PDE5A: variants seen among roughly 807,000 people sequenced by gnomAD.
The protein encoded by PDE5A is phosphodiesterase 5A, also known as cGMP-specific 3',5'-cyclic phosphodiesterase.
Under a neutral mutation model 110.2 loss-of-function variants are expected in PDE5A, and 67 were observed. The observed-to-expected ratio is 0.61, with a 90% CI of 0.50 to 0.75. The LOEUF (loss-of-function observed/expected upper bound fraction) is 0.75. Among genes scored for constraint, PDE5A ranks in the 30% least tolerant of loss-of-function variants. PDE5A has a pLI of 0.00. For synonymous variants in PDE5A, 328 were observed against 351.2 expected, an observed-to-expected ratio of 0.93 and a Z score of 0.74; for missense variants, 862 against 1,045.1, an observed-to-expected ratio of 0.82 and a Z score of 2.42.
chr4:119,550,861 T>G (rs915141880), intron 9 of PDE5A, among the ~76,000 whole-genome samples: 3 of 152,180 alleles, frequency 2.0e-5, no homozygotes, highest in African/African-American at 4.8e-5. Flanking sequence ...GAAATAAAAT[T>G]TTATAACATT....
rs1298640816 is a variant in PDE5A, at chr4:119,552,624, C to T, written c.1322G>A (p.Gly441Glu). 1.3e-6 allele frequency: 2 copies of T among 1,531,836 alleles called. No individual in the cohort carries two copies. Among genetic ancestry groups the T allele is most frequent in the African/African-American group, 2.8e-5 (2 of 71,434 alleles). The allele number at this position is 1,531,836 out of a possible 1,614,324, so 94.9% of individuals were successfully genotyped here. The change falls in exon 9 of 21, where the codon GGA (glycine) becomes GAA (glutamate). Residue 441 changes from glycine to glutamate, a missense_variant. By Grantham distance (98) the Gly-to-Glu change is moderately conservative. Coordinates refer to ENST00000354960, the MANE Select transcript of PDE5A (RefSeq NM_001083.4). The stretch of plus-strand genomic sequence containing the variant: ...TCTAATGCACTGCTGGTTTACATTT[C>T]CTGTATTTTCAGTCTAAACAAAAAT... ...KRFPWTTENT[G>E]NVNQQCIRSL...
intron 20 of PDE5A, chr4:119,499,446 A>G (rs910582332): frequency 1.3e-5 from 2 of 152,230 alleles, no homozygotes; most frequent in African/African-American, 4.8e-5. Flanking sequence ...AATGTCATAA[A>G]GCATATACAT....
chr4:119,614,472 G>C (rs1729866027), intron 1 of PDE5A, among the ~76,000 whole-genome samples: 1 of 152,108 alleles, frequency 6.6e-6, no homozygotes, highest in Admixed American at 6.6e-5. Flanking sequence ...TTGGCGGATA[G>C]GCAACAAAGA....
chr4:119,556,731 GA>G (rs932835525), intron 7 of PDE5A, among the ~76,000 whole-genome samples: 14 of 152,134 alleles, frequency 9.2e-5, no homozygotes, highest in Non-Finnish European at 1.8e-4. Flanking sequence ...ATTTTTAAAG[GA>G]GAGACATCAG....
intron 14 of PDE5A, among the ~76,000 whole-genome samples, chr4:119,511,701 C>T (rs1725749486): frequency 1.3e-5 from 2 of 152,040 alleles, no homozygotes; most frequent in African/African-American, 4.8e-5. Context: ...AAGGAGACGG[C>T]TGAGTTGGAA....
At chr4:119,572,785 A>C (rs1235816470) in intron 3 of PDE5A, among the ~76,000 whole-genome samples, 1 of 152,194 alleles carries the variant, frequency 6.6e-6, no homozygotes, top group Admixed American at 6.5e-5. Context: ...GTCCAGGCAC[A>C]AAAGACGCAT....
intron 3 of PDE5A, among the ~76,000 whole-genome samples, chr4:119,580,300 C>T (rs182726769): frequency 3.0e-4 from 45 of 152,266 alleles, no homozygotes; most frequent in African/African-American, 9.9e-4. Flanking sequence ...TTTTTGCCTG[C>T]TTATTAGATC....
At chr4:119,583,139 A>C (rs1211669588) in intron 3 of PDE5A, among the ~76,000 whole-genome samples, 1 of 152,192 alleles carries the variant, frequency 6.6e-6, no homozygotes, top group African/African-American at 2.4e-5. Context: ...CTACATTGAC[A>C]ATCTGTTGTT....
At chr4:119,586,142 T>G (rs1253700034) in intron 3 of PDE5A, among the ~76,000 whole-genome samples, 1 of 152,248 alleles carries the variant, frequency 6.6e-6, no homozygotes, top group Non-Finnish European at 1.5e-5. Context: ...AGATAACCAA[T>G]ACGGCATAGT....
rs1190616433 is a variant in PDE5A, at chr4:119,567,271, G to A, written c.832-127C>T. On this transcript the variant is annotated intron_variant, in intron 3 of 20. Transcript: ENST00000354960. ...AATAACACTAGTCTACAAAACAAAA[G>A]CAAAACCCCTCATCAGCATTTGAGC... The A allele has an allele frequency of 4.7e-6, 3 of 636,982 alleles. No individual in the cohort carries two copies. The African/African-American group carries it at 5.5e-5, about 12-fold the overall frequency. The allele number at this position is 636,982 out of a possible 1,614,324, so 39.5% of individuals were successfully genotyped here. A position where few individuals can be genotyped will look rare whatever the true frequency, so the allele number is the denominator to read the frequency against.
chr4:119,569,501 A>G (rs1728067281), intron 3 of PDE5A, among the ~76,000 whole-genome samples: 2 of 147,944 alleles, frequency 1.4e-5, no homozygotes, highest in Admixed American at 1.3e-4. Flanking sequence ...ATAAATAAAG[A>G]AATATTAAAA....
At chr4:119,617,668 G>A (rs6534146) in intron 1 of PDE5A, among the ~76,000 whole-genome samples, 120,767 of 152,110 alleles carry the variant, frequency 0.79, 48,272 homozygotes, top group East Asian at 0.9. Context: ...CGAGTTAAAA[G>A]TATAACTAGG....
intron 1 of PDE5A, among the ~76,000 whole-genome samples, chr4:119,612,830 G>A (rs1200941533): frequency 2.1e-5 from 3 of 144,852 alleles, no homozygotes; most frequent in Non-Finnish European, 3.1e-5. Context: ...ATTTGTTATA[G>A]CAGCCAGCAT....
intron 14 of PDE5A, chr4:119,512,425 T>C (rs1167203817): frequency 6.6e-6 from 1 of 152,164 alleles, no homozygotes; most frequent in Non-Finnish European, 1.5e-5. Context: ...AACAGGACTA[T>C]ATTTCTGAAA....
chr4:119,614,818 T>A (rs969078717), intron 1 of PDE5A, among the ~76,000 whole-genome samples: 1 of 152,098 alleles, frequency 6.6e-6, no homozygotes, highest in Non-Finnish European at 1.5e-5. Flanking sequence ...GAGTCCTGGG[T>A]TCTAATCTCA....
intron 12 of PDE5A, among the ~76,000 whole-genome samples, chr4:119,521,437 G>A (rs1466165778): frequency 1.3e-5 from 2 of 151,036 alleles, no homozygotes; most frequent in African/African-American, 2.4e-5. Context: ...CCAACTAGGA[G>A]AGTCCAAAGG....
At chr4:119,618,864 T>C (rs1046877020) in intron 1 of PDE5A, among the ~76,000 whole-genome samples, 10 of 152,186 alleles carry the variant, frequency 6.6e-5, no homozygotes, top group Admixed American at 6.5e-4. Context: ...CCATGGGTAC[T>C]TACTTGGGTA....
chr4:119,511,263 C>T, intron 14 of PDE5A, 129 bp from the exon 15 acceptor site: 1 of 604,972 alleles, frequency 1.7e-6, no homozygotes, highest in Non-Finnish European at 3.0e-6. Context: ...ACAATTTTCT[C>T]TCCTTTTACT....
chr4:119,561,566 A>C (rs1415684691), intron 6 of PDE5A, among the ~76,000 whole-genome samples: 1 of 152,206 alleles, frequency 6.6e-6, no homozygotes, highest in South Asian at 2.1e-4. Flanking sequence ...TTCACATATA[A>C]CTTTCAAAAA....
Sources: gnomAD v4.1 joint callset for allele counts (sites outside exome capture counted in the v4.1 genomes callset) on GRCh38, gnomAD v4.1.1 for gene constraint, MANE v1.5 for transcripts, NCBI Gene and HGNC (gene_info 2026-07-23, HGNC 2026-07-21) for gene names.